Variants in MACROD2 observed in about 807,000 individuals in gnomAD.
The protein encoded by MACROD2 is ADP-ribose glycohydrolase MACROD2.
Under a neutral mutation model 70.4 loss-of-function variants are expected in MACROD2, and 36 were observed. The ratio of observed to expected loss-of-function variants is 0.51; its 90% CI spans 0.39 to 0.68. The LOEUF is 0.68. Among genes scored for constraint, MACROD2 ranks in the 30% least tolerant of loss-of-function variants. MACROD2 has a pLI of 0.00. For synonymous variants in MACROD2, 172 were observed against 178.8 expected, an observed-to-expected ratio of 0.96 and a Z score of 0.30; for missense variants, 496 against 538.4, an observed-to-expected ratio of 0.92 and a Z score of 0.78.
At chr20:14,826,707 A>G (rs1490884937) in intron 5 of MACROD2, among the ~76,000 whole-genome samples, 1 of 152,108 alleles carries the variant, frequency 6.6e-6, no homozygotes, top group Non-Finnish European at 1.5e-5. Flanking sequence ...AGCTGTCATA[A>G]TAAGCCGAGC....
intron 3 of MACROD2, among the ~76,000 whole-genome samples, chr20:14,456,375 T>A (rs1159501579): frequency 6.6e-6 from 1 of 151,834 alleles, no homozygotes; most frequent in Non-Finnish European, 1.5e-5. Flanking sequence ...TTGAGAATGA[T>A]TGCAAATCTT....
chr20:15,801,200 A>C (rs3855684), intron 8 of MACROD2, among the ~76,000 whole-genome samples: 11 of 137,880 alleles, frequency 8.0e-5, no homozygotes, highest in Middle Eastern at 3.6e-3. Context: ...AAAAAAAAAA[A>C]AAAACGAAAA....
At chr20:14,646,625 GT>G (rs1985408337) in intron 4 of MACROD2, among the ~76,000 whole-genome samples, 2 of 151,874 alleles carry the variant, frequency 1.3e-5, no homozygotes, top group African/African-American at 4.8e-5. Context: ...GTTAGAGTGG[GT>G]TTTTGTTTTT....
chr20:15,450,624 G>C (rs2046628137), intron 7 of MACROD2, among the ~76,000 whole-genome samples: 1 of 152,048 alleles, frequency 6.6e-6, no homozygotes, highest in Non-Finnish European at 1.5e-5. Context: ...GCAGATTTTA[G>C]GACTTTATGA....
chr20:14,028,191 C>T (rs1278923940), intron 2 of MACROD2, among the ~76,000 whole-genome samples: 1 of 152,204 alleles, frequency 6.6e-6, no homozygotes, highest in Non-Finnish European at 1.5e-5. Flanking sequence ...GTTTGAAGTT[C>T]CTGGCGCTTT....
At chr20:14,810,518 G>A (rs1224924906) in intron 5 of MACROD2, among the ~76,000 whole-genome samples, 4 of 152,040 alleles carry the variant, frequency 2.6e-5, no homozygotes, top group Non-Finnish European at 4.4e-5. Context: ...CATTCCCTTC[G>A]AAAACTGGCA....
intron 6 of MACROD2, among the ~76,000 whole-genome samples, chr20:15,371,664 T>G (rs909813124): frequency 5.9e-5 from 9 of 152,164 alleles, no homozygotes; most frequent in African/African-American, 2.2e-4. Flanking sequence ...TTACAGGCAA[T>G]TAATCTAGGG....
intron 6 of MACROD2, among the ~76,000 whole-genome samples, chr20:15,311,796 A>G (rs1240512708): frequency 1.3e-5 from 2 of 152,254 alleles, no homozygotes; most frequent in East Asian, 3.9e-4. Flanking sequence ...GGGGAGGGAA[A>G]GGGGGACAGG....
At chr20:15,220,312 C>G (rs1002623428) in intron 5 of MACROD2, among the ~76,000 whole-genome samples, 1 of 152,240 alleles carries the variant, frequency 6.6e-6, no homozygotes, top group African/African-American at 2.4e-5. Flanking sequence ...TAATCACCCA[C>G]AGATTCACTA....
At chr20:15,151,030 C>A (rs1354696903) in intron 5 of MACROD2, among the ~76,000 whole-genome samples, 2 of 151,990 alleles carry the variant, frequency 1.3e-5, no homozygotes, top group Non-Finnish European at 2.9e-5. Flanking sequence ...GTGAGAGTTA[C>A]CTAAAGCTCG....
chr20:14,619,696 A>G (rs891756878), intron 4 of MACROD2, among the ~76,000 whole-genome samples: 3 of 152,076 alleles, frequency 2.0e-5, no homozygotes, highest in Admixed American at 1.3e-4. Context: ...GAGGTGTTTC[A>G]TCTGACTTTT....
intron 4 of MACROD2, among the ~76,000 whole-genome samples, chr20:14,508,548 G>T (rs2084994342): frequency 6.6e-6 from 1 of 152,172 alleles, no homozygotes; most frequent in Non-Finnish European, 1.5e-5. Flanking sequence ...GATTTTCAGA[G>T]ATTTGACATT....
chr20:15,657,908 G>A (rs6043415), intron 8 of MACROD2, among the ~76,000 whole-genome samples: 66 of 152,264 alleles, frequency 4.3e-4, no homozygotes, highest in African/African-American at 1.5e-3. Context: ...CAGGAGAATC[G>A]CTTGAACCCA....
intron 12 of MACROD2, among the ~76,000 whole-genome samples, chr20:15,962,949 T>A (rs2066084180): frequency 6.6e-6 from 1 of 152,208 alleles, no homozygotes; most frequent in Admixed American, 6.5e-5. Context: ...CAGGATACTT[T>A]TTTCCTATAT....
At chr20:15,398,022 C>T (rs995236881) in intron 6 of MACROD2, among the ~76,000 whole-genome samples, 12 of 152,046 alleles carry the variant, frequency 7.9e-5, no homozygotes, top group African/African-American at 2.7e-4. Flanking sequence ...TTTCCCATAC[C>T]GAGAGTCAGG....
At chr20:15,456,803 G>A (rs1056186689) in intron 7 of MACROD2, among the ~76,000 whole-genome samples, 8 of 152,052 alleles carry the variant, frequency 5.3e-5, no homozygotes, top group South Asian at 2.1e-4. Context: ...GTTCCTTGTC[G>A]TGACCTAGAC....
intron 3 of MACROD2, among the ~76,000 whole-genome samples, chr20:14,198,119 T>G (rs1262750005): frequency 6.6e-6 from 1 of 151,654 alleles, no homozygotes; most frequent in Non-Finnish European, 1.5e-5. Context: ...TGGAGGGCTG[T>G]GTGTTTGTGT....
chr20:15,403,121 C>T (rs1297796445), intron 6 of MACROD2, among the ~76,000 whole-genome samples: 1 of 152,012 alleles, frequency 6.6e-6, no homozygotes, highest in Non-Finnish European at 1.5e-5. Context: ...CACCTGCTAC[C>T]ACACCCAGCT....
intron 3 of MACROD2, among the ~76,000 whole-genome samples, chr20:14,214,698 C>T (rs1409735547): frequency 3.3e-5 from 5 of 150,744 alleles, no homozygotes; most frequent in South Asian, 4.2e-4. Flanking sequence ...TTGGTGCACC[C>T]GTCACCCGAG....
Sources: gnomAD v4.1 joint callset for allele counts (sites outside exome capture counted in the v4.1 genomes callset) on GRCh38, gnomAD v4.1.1 for gene constraint, MANE v1.5 for transcripts, NCBI Gene and HGNC (gene_info 2026-07-23, HGNC 2026-07-21) for gene names.